DLGAP1: variants seen among roughly 807,000 people sequenced by gnomAD.
DLGAP1 encodes disks large-associated protein 1.
Under a neutral mutation model 90.8 loss-of-function variants are expected in DLGAP1, and 11 were observed. The observed-to-expected ratio is 0.12, with a 90% CI of 0.08 to 0.20. The LOEUF is 0.20. Among genes scored for constraint, DLGAP1 ranks in the 10% least tolerant of loss-of-function variants. The probability of loss-of-function intolerance (pLI) is 1.00; values close to 1 mark genes in which losing one functional copy is unlikely to be tolerated. For synonymous variants in DLGAP1, 558 were observed against 540.7 expected (o/e 1.03, Z -0.44); for missense variants, 1,050 against 1,333.8 (o/e 0.79, Z 3.31).
At chr18:3,546,889 A>T (rs2053061304) in intron 9 of DLGAP1, among the ~76,000 whole-genome samples, 2 of 152,142 alleles carry the variant, frequency 1.3e-5, no homozygotes, top group African/African-American at 4.8e-5. Flanking sequence ...TGAAGGAGTA[A>T]ACAGAAAAAC....
At chr18:4,197,328 T>C (rs16946222) in intron 1 of DLGAP1, among the ~76,000 whole-genome samples, 395 of 151,858 alleles carry the variant, frequency 2.6e-3, no homozygotes, top group African/African-American at 9.4e-3. Context: ...GAAGAAGGCA[T>C]GTTGGTAAAC....
chr18:3,975,381 C>A (rs545366608), intron 3 of DLGAP1, among the ~76,000 whole-genome samples: 149 of 152,100 alleles, frequency 9.8e-4, no homozygotes, highest in African/African-American at 3.6e-3. Context: ...TAGGGCAACG[C>A]AAATCAAAAC....
intron 5 of DLGAP1, among the ~76,000 whole-genome samples, chr18:3,761,441 A>T (rs1173575946): frequency 6.6e-6 from 1 of 152,216 alleles, no homozygotes; most frequent in East Asian, 1.9e-4. Context: ...TCAAGGCTGA[A>T]TCATACTCTG....
intron 7 of DLGAP1, among the ~76,000 whole-genome samples, chr18:3,697,563 A>G (rs2061137218): frequency 6.6e-6 from 1 of 151,870 alleles, no homozygotes; most frequent in South Asian, 2.1e-4. Flanking sequence ...GACTGTTATG[A>G]TTTCTGTTAT....
chr18:4,301,460 A>G (rs183177367), intron 1 of DLGAP1, among the ~76,000 whole-genome samples: 14 of 152,328 alleles, frequency 9.2e-5, no homozygotes, highest in Admixed American at 8.5e-4. Context: ...ACAAACAATT[A>G]AATTTCTTTC....
intron 4 of DLGAP1, among the ~76,000 whole-genome samples, chr18:3,837,582 C>T (rs908573842): frequency 3.3e-5 from 5 of 152,124 alleles, no homozygotes; most frequent in African/African-American, 7.2e-5. Flanking sequence ...GGCGCAGTGG[C>T]TCATGCCTGT....
intron 2 of DLGAP1, among the ~76,000 whole-genome samples, chr18:4,049,246 T>C (rs1368681824): frequency 2.1e-5 from 3 of 142,980 alleles, no homozygotes; most frequent in Non-Finnish European, 4.6e-5. Context: ...AAAAAAAAAA[T>C]TATATGCCTG....
intron 9 of DLGAP1, among the ~76,000 whole-genome samples, chr18:3,567,141 T>C (rs2054481991): frequency 6.6e-6 from 1 of 152,078 alleles, no homozygotes; most frequent in South Asian, 2.1e-4. Flanking sequence ...GGAATAGAAA[T>C]AGAAATAAGG....
intron 3 of DLGAP1, among the ~76,000 whole-genome samples, chr18:3,987,729 T>C (rs2073871585): frequency 6.6e-6 from 1 of 152,226 alleles, no homozygotes; most frequent in African/African-American, 2.4e-5. Flanking sequence ...GATATTGTCT[T>C]TCTTATATGC....
chr18:4,094,316 T>C (rs1394041427), intron 2 of DLGAP1, among the ~76,000 whole-genome samples: 2 of 152,194 alleles, frequency 1.3e-5, no homozygotes, highest in African/African-American at 2.4e-5. Flanking sequence ...ATAGTGAAGA[T>C]GGTAATTTTT....
Position 4,143,691 on chromosome 18 carries a change from A to G in DLGAP1, c.-159+7489T>C, listed in dbSNP as rs1484419722. On this transcript the variant is annotated intron_variant, in intron 2 of 12. Transcript: ENST00000315677. ...ATTTTCACAAGCAGAAATGGTCTCTACCCCTAGTCACCCAAACTGGGGATG... is the reference window on the plus strand; with the variant it reads ...ATTTTCACAAGCAGAAATGGTCTCTGCCCCTAGTCACCCAAACTGGGGATG... Among the ~76,000 whole-genome samples, 4 of 151,704 alleles carry G rather than the reference A, an allele frequency of 2.6e-5. No individual in the cohort carries two copies. In the East Asian group the frequency reaches 7.9e-4, roughly 30 times the overall value.
rs762734137 is a variant in DLGAP1 at position 3,919,746 on chromosome 18, T to A, written c.-72-39606A>T. On this transcript the variant is annotated intron_variant, in intron 3 of 12. Transcript: ENST00000315677. The stretch of plus-strand genomic sequence containing the variant: ...TCTTGATAGCAGTTCTACAATATTA[T>A]CACTAGCATTTTATGAAAAAGTAAA... Among the ~76,000 whole-genome samples, 9 of 152,332 alleles carry A rather than the reference T, an allele frequency of 5.9e-5. No homozygotes were observed. In the South Asian group the frequency reaches 1.9e-3, roughly 32 times the overall value.
intron 7 of DLGAP1, among the ~76,000 whole-genome samples, chr18:3,622,224 C>T (rs2058121628): frequency 6.6e-6 from 1 of 152,010 alleles, no homozygotes; most frequent in African/African-American, 2.4e-5. Context: ...CCTGCCTCAG[C>T]CTCCCAAGTA....
intron 1 of DLGAP1, among the ~76,000 whole-genome samples, chr18:4,366,118 A>G (rs1324244245): frequency 6.6e-6 from 1 of 152,154 alleles, no homozygotes; most frequent in African/African-American, 2.4e-5. Flanking sequence ...ACATTCTGCA[A>G]TAAAACTGAT....
At chr18:3,626,449 C>T (rs942484521) in intron 7 of DLGAP1, among the ~76,000 whole-genome samples, 11 of 151,510 alleles carry the variant, frequency 7.3e-5, no homozygotes, top group African/African-American at 2.7e-4. Context: ...CAAAAATTAG[C>T]TGGGCATGGT....
At position 3,884,939 on chromosome 18, in the gene DLGAP1, C is replaced by G. The variant is rs374041761; in HGVS notation, c.-72-4799G>C. ...TTTCTGGTCAAGGCCAAATAAACAA[C>G]TTAATACCATGGCCCTTTCTGTAAC... On this transcript the variant is annotated intron_variant, in intron 3 of 12. Transcript: ENST00000315677. 1.1e-4 allele frequency among the ~76,000 whole-genome samples: 16 copies of G among 152,330 alleles called. No individual in the cohort carries two copies. The East Asian group carries it at 2.1e-3, about 20-fold the overall frequency.
At position 3,952,056 on chromosome 18, in the gene DLGAP1, G is replaced by A. The variant is rs1253082193; in HGVS notation, c.-73+53060C>T. ...GGAAAACACAGGATGGTAGAAAAACGTAGAGAAATTTCTATAATAGAGAGA... is the reference window on the plus strand; with the variant it reads ...GGAAAACACAGGATGGTAGAAAAACATAGAGAAATTTCTATAATAGAGAGA... On this transcript the variant is annotated intron_variant, in intron 3 of 12. Coordinates refer to ENST00000315677, the MANE Select transcript of DLGAP1 (RefSeq NM_004746.4). 5.9e-5 allele frequency among the ~76,000 whole-genome samples: 9 copies of A among 152,240 alleles called. No homozygotes were observed. In the Middle Eastern group the frequency reaches 0.01, roughly 173 times the overall value.
intron 8 of DLGAP1, among the ~76,000 whole-genome samples, chr18:3,575,860 A>G (rs2055093641): frequency 6.6e-6 from 1 of 152,184 alleles, no homozygotes; most frequent in Admixed American, 6.5e-5. Context: ...CATATTATAC[A>G]GAAATTTATA....
At chr18:4,405,156 C>T (rs1039213670) in intron 1 of DLGAP1, among the ~76,000 whole-genome samples, 1 of 152,138 alleles carries the variant, frequency 6.6e-6, no homozygotes, top group African/African-American at 2.4e-5. Flanking sequence ...ATTTTTCTTG[C>T]AATTATAAAC....
Sources: gnomAD v4.1 joint callset for allele counts (sites outside exome capture counted in the v4.1 genomes callset) on GRCh38, gnomAD v4.1.1 for gene constraint, MANE v1.5 for transcripts, NCBI Gene and HGNC (gene_info 2026-07-23, HGNC 2026-07-21) for gene names.